The following WDFY4 variants were observed in gnomAD, a reference collection of about 807,000 sequenced individuals.
The protein encoded by WDFY4 is WDFY family member 4.
Under a neutral mutation model 351.9 loss-of-function variants are expected in WDFY4, and 169 were observed. The observed-to-expected ratio is 0.48, with a 90% CI of 0.42 to 0.55. The LOEUF is 0.55. WDFY4 is among the 20% of genes least tolerant of loss of function. WDFY4 has a pLI of 0.00. For missense variants in WDFY4, 3,803 were observed against 3,935.6 expected, an observed-to-expected ratio of 0.97 and a Z score of 0.90; for synonymous variants, 1,622 against 1,574.6, an observed-to-expected ratio of 1.03 and a Z score of -0.71.
chr10:48,897,164 T>A (rs1335918923), intron 44 of WDFY4, among the ~76,000 whole-genome samples: 1 of 152,152 alleles, frequency 6.6e-6, no homozygotes, highest in East Asian at 1.9e-4. Flanking sequence ...AACTGCGCCG[T>A]CATATTGCTG....
chr10:48,692,383 G>A (rs2063219674), intron 1 of WDFY4, among the ~76,000 whole-genome samples: 1 of 152,202 alleles, frequency 6.6e-6, no homozygotes, highest in Non-Finnish European at 1.5e-5. Flanking sequence ...CCAGTGGGCG[G>A]GATCCTCACA....
intron 42 of WDFY4, among the ~76,000 whole-genome samples, chr10:48,876,466 GACA>G (rs557978118): frequency 4.3e-4 from 65 of 152,266 alleles, no homozygotes; most frequent in African/African-American, 1.5e-3. Context: ...ACCAAGATGG[GACA>G]ACATTTTAAA....
intron 1 of WDFY4, among the ~76,000 whole-genome samples, chr10:48,699,095 C>T (rs2063409762): frequency 2.0e-5 from 3 of 152,174 alleles, no homozygotes; most frequent in South Asian, 2.1e-4. Context: ...CAGACAGCCA[C>T]GCTCACCTGG....
chr10:48,716,085 T>A (rs941423828), intron 2 of WDFY4, among the ~76,000 whole-genome samples: 4 of 152,160 alleles, frequency 2.6e-5, no homozygotes, highest in Non-Finnish European at 4.4e-5. Context: ...AAATAACACT[T>A]TTTAGCAAAG....
intron 39 of WDFY4, among the ~76,000 whole-genome samples, chr10:48,846,620 C>T (rs1317347155): frequency 1.3e-5 from 2 of 152,238 alleles, no homozygotes; most frequent in Admixed American, 1.3e-4. Flanking sequence ...TATGGGGACC[C>T]AGCCTAAAGG....
intron 47 of WDFY4, among the ~76,000 whole-genome samples, chr10:48,916,514 G>A (rs970667605): frequency 6.6e-6 from 1 of 152,174 alleles, no homozygotes; most frequent in Non-Finnish European, 1.5e-5. Flanking sequence ...CTCAGAGCTG[G>A]GGGGTTGCTT....
At chr10:48,868,378 A>G (rs2069630530) in intron 40 of WDFY4, among the ~76,000 whole-genome samples, 1 of 152,210 alleles carries the variant, frequency 6.6e-6, no homozygotes, top group South Asian at 2.1e-4. Flanking sequence ...CAGAGGGATC[A>G]GCAGGCATGT....
At chr10:48,777,383 G>T (rs1175078507) in intron 16 of WDFY4, 36 bp from the exon 17 acceptor site, 4 of 1,537,180 alleles carry the variant, frequency 2.6e-6, no homozygotes, top group Middle Eastern at 1.8e-4. Flanking sequence ...AGATTGGCTT[G>T]CAGTCCAATG....
At chr10:48,897,612 A>C (rs1276828908) in intron 45 of WDFY4, 38 bp downstream of exon 45, 1 of 1,535,390 alleles carries the variant, frequency 6.5e-7, no homozygotes, top group East Asian at 2.5e-5. Context: ...GGGGCCTGCG[A>C]GAGGCAGGGC....
chr10:48,868,383 G>T (rs1024443773), intron 40 of WDFY4, among the ~76,000 whole-genome samples: 1 of 152,154 alleles, frequency 6.6e-6, no homozygotes, highest in Non-Finnish European at 1.5e-5. Context: ...GGATCAGCAG[G>T]CATGTCTAGT....
intron 54 of WDFY4, among the ~76,000 whole-genome samples, chr10:48,965,198 C>G (rs1485045439): frequency 6.6e-6 from 1 of 152,182 alleles, no homozygotes; most frequent in Admixed American, 6.5e-5. Context: ...TACTCATAGC[C>G]CTTGTCCACA....
chr10:48,743,301 A>G lies in WDFY4; in HGVS notation c.2212A>G (p.Lys738Glu). The G allele has an allele frequency of 6.4e-7, 1 of 1,551,668 alleles. No homozygotes were observed. The highest frequency in any genetic ancestry group is 8.7e-7 in the Non-Finnish European group (1 of 1,146,980). Reference sequence around the variant, plus strand: ...CCTGCTGCGCTCTTGGGTGGACACAAAGGCCAGGCCATTTGCAGATTTGCT... The same window carrying G: ...CCTGCTGCGCTCTTGGGTGGACACAGAGGCCAGGCCATTTGCAGATTTGCT... ...GNLLRSWVDT[K>E]ARPFADLLGT... The change falls in exon 12 of 62, where the codon AAG becomes GAG. Residue 738 changes from lysine to glutamate, a missense_variant. Physicochemically the swap from Lys to Glu is moderately conservative, Grantham distance 56 (BLOSUM62 1). Transcript: ENST00000325239.
intron 28 of WDFY4, among the ~76,000 whole-genome samples, chr10:48,808,591 C>T (rs1056714809): frequency 7.2e-5 from 11 of 152,158 alleles, no homozygotes; most frequent in African/African-American, 1.9e-4. Flanking sequence ...CAAGTCAGCC[C>T]GGATCCTTGC....
chr10:48,880,941 G>C (rs2070222789), intron 43 of WDFY4, among the ~76,000 whole-genome samples: 2 of 152,070 alleles, frequency 1.3e-5, no homozygotes. Flanking sequence ...GCAGGGGTGG[G>C]GTAAAAACCC....
intron 13 of WDFY4, among the ~76,000 whole-genome samples, chr10:48,771,737 T>A (rs75745395): frequency 0.044 from 6,765 of 152,266 alleles, 527 homozygotes; most frequent in African/African-American, 0.15. Flanking sequence ...TGTATCACCT[T>A]TAATCTGTGA....
chr10:48,817,578 A>ATTTTGGTG (rs1300647853), intron 32 of WDFY4, among the ~76,000 whole-genome samples, 169 bp downstream of exon 32: 1 of 152,242 alleles, frequency 6.6e-6, no homozygotes, highest in African/African-American at 2.4e-5. Flanking sequence ...TTTGGCTGAG[A>ATTTTGGTG]TACACCTTGA....
At chr10:48,761,873 G>C (rs1279877261) in intron 13 of WDFY4, among the ~76,000 whole-genome samples, 1 of 152,202 alleles carries the variant, frequency 6.6e-6, no homozygotes, top group African/African-American at 2.4e-5. Flanking sequence ...TCCTCTTGCA[G>C]TTTTGTCGAG....
intron 6 of WDFY4, among the ~76,000 whole-genome samples, chr10:48,726,350 G>A (rs1260708653): frequency 6.6e-6 from 1 of 152,234 alleles, no homozygotes; most frequent in Non-Finnish European, 1.5e-5. Context: ...CTACCAATCA[G>A]ACACTGTGCT....
At chr10:48,736,235 C>A in intron 11 of WDFY4, 165 bp downstream of exon 11, 1 of 728,310 alleles carries the variant, frequency 1.4e-6, no homozygotes, top group Admixed American at 2.2e-5. Flanking sequence ...AATCCCATAT[C>A]CTCAGTAGCC....
Sources: gnomAD v4.1 joint callset for allele counts (sites outside exome capture counted in the v4.1 genomes callset) on GRCh38, gnomAD v4.1.1 for gene constraint, MANE v1.5 for transcripts, NCBI Gene and HGNC (gene_info 2026-07-23, HGNC 2026-07-21) for gene names.